The following CLSTN2 variants were observed in gnomAD, a reference collection of about 807,000 sequenced individuals.
The protein encoded by CLSTN2 is calsyntenin 2.
Under a neutral mutation model 101.2 loss-of-function variants are expected in CLSTN2, and 48 were observed. The ratio of observed to expected loss-of-function variants is 0.47; its 90% CI spans 0.38 to 0.60. The LOEUF is 0.60. Ranked by LOEUF, CLSTN2 falls within the 20% of genes least tolerant of loss-of-function variation. CLSTN2 has a pLI of 0.00. For missense variants in CLSTN2, 1,160 were observed against 1,238.2 expected (o/e 0.94, Z 0.95); for synonymous variants, 481 against 463.6 (o/e 1.04, Z -0.48).
In CLSTN2 at chr3:140,404,628, G is replaced by T. The variant is rs762594115; in HGVS notation, c.499G>T (p.Ala167Ser). 13 of 1,614,088 alleles carry T rather than the reference G, an allele frequency of 8.1e-6. No homozygotes were observed. The Admixed American group carries it at 1.0e-4, about 12-fold the overall frequency. ...CACCTTCAAAGAGCCAGCCTACAAG[G>T]CTGTTGTGACGGAGGGCAAGATCTA... ...APTFKEPAYKAVVTEGKIYDS... is the reference protein window; with the variant it reads ...APTFKEPAYKSVVTEGKIYDS... The change falls in exon 4 of 17, where the codon GCT (alanine) becomes TCT (serine). Residue 167 changes from alanine (A) to serine (S), a missense_variant. By Grantham distance (99) the Ala-to-Ser change is moderately conservative. Coordinates refer to ENST00000458420, the MANE Select transcript of CLSTN2 (RefSeq NM_022131.3).
intron 1 of CLSTN2, among the ~76,000 whole-genome samples, chr3:139,992,993 A>G (rs1560064147): frequency 6.6e-6 from 1 of 152,120 alleles, no homozygotes; most frequent in East Asian, 1.9e-4. Flanking sequence ...CCCTTTTTGC[A>G]GTTCTCTCTT....
At chr3:140,409,198 A>G (rs2088336807) in intron 4 of CLSTN2, among the ~76,000 whole-genome samples, 2 of 152,266 alleles carry the variant, frequency 1.3e-5, no homozygotes, top group Admixed American at 6.5e-5. Flanking sequence ...ACCAGCTGCC[A>G]TATAACCACA....
At chr3:140,061,397 C>T (rs1398660782) in intron 1 of CLSTN2, among the ~76,000 whole-genome samples, 2 of 152,198 alleles carry the variant, frequency 1.3e-5, no homozygotes, top group Admixed American at 6.5e-5. Flanking sequence ...AATTTGCCCA[C>T]CCCTTTCCTA....
At chr3:140,263,461 C>G (rs945207394) in intron 2 of CLSTN2, among the ~76,000 whole-genome samples, 9 of 152,176 alleles carry the variant, frequency 5.9e-5, no homozygotes, top group Non-Finnish European at 1.2e-4. Flanking sequence ...GTTGCTCACT[C>G]AGGCAGGTTG....
intron 1 of CLSTN2, among the ~76,000 whole-genome samples, chr3:140,122,536 A>G (rs569061031): frequency 2.0e-5 from 3 of 152,244 alleles, no homozygotes; most frequent in African/African-American, 4.8e-5. Flanking sequence ...GAAAATTTCC[A>G]TGAAGAAGCC....
intron 1 of CLSTN2, among the ~76,000 whole-genome samples, chr3:140,101,840 A>G (rs1451048150): frequency 1.3e-5 from 2 of 152,176 alleles, no homozygotes; most frequent in African/African-American, 2.4e-5. Context: ...GCGCTGGCCC[A>G]GAAGTGAAAC....
chr3:139,949,102 C>T (rs989410212), intron 1 of CLSTN2, among the ~76,000 whole-genome samples: 11 of 152,108 alleles, frequency 7.2e-5, no homozygotes, highest in Non-Finnish European at 1.3e-4. Flanking sequence ...ACGCTGTCAG[C>T]ATTTCTGGGA....
chr3:139,997,535 T>A (rs975359301), intron 1 of CLSTN2, among the ~76,000 whole-genome samples: 29 of 152,290 alleles, frequency 1.9e-4, no homozygotes, highest in Admixed American at 5.2e-4. Flanking sequence ...TATGTGCTAT[T>A]TTGGTTCATT....
chr3:140,439,912 G>A (rs752352181), intron 5 of CLSTN2, among the ~76,000 whole-genome samples: 4 of 152,200 alleles, frequency 2.6e-5, no homozygotes, highest in Non-Finnish European at 5.9e-5. Context: ...GTCTGGGTGT[G>A]TATCTATGTG....
rs373916708 is a variant in CLSTN2, at chr3:140,528,313, A to G, written c.1345-4011A>G. Among the ~76,000 whole-genome samples the G allele has an allele frequency of 2.0e-5, 3 of 152,042 alleles. No homozygotes were observed. In the East Asian group the frequency reaches 5.8e-4, roughly 29 times the overall value. ...TCCCATTGCCTACAGAATAAAAGCA[A>G]TCCAAGTCCTCAGTTTCAGATCTCT... On this transcript the variant is annotated intron_variant, in intron 8 of 16. Coordinates refer to ENST00000458420, the MANE Select transcript of CLSTN2 (RefSeq NM_022131.3).
chr3:139,975,368 C>T (rs1453861042), intron 1 of CLSTN2, among the ~76,000 whole-genome samples: 1 of 152,294 alleles, frequency 6.6e-6, no homozygotes, highest in East Asian at 1.9e-4. Flanking sequence ...GTACTCCCTG[C>T]AGTCAGAGGC....
intron 1 of CLSTN2, among the ~76,000 whole-genome samples, chr3:140,121,944 T>C (rs2009347482): frequency 6.6e-6 from 1 of 152,144 alleles, no homozygotes; most frequent in Admixed American, 6.5e-5. Context: ...CCAATTCTCA[T>C]TAAGTCTGAA....
At chr3:140,330,233 C>A (rs2087369578) in intron 2 of CLSTN2, among the ~76,000 whole-genome samples, 1 of 152,218 alleles carries the variant, frequency 6.6e-6, no homozygotes, top group East Asian at 1.9e-4. Flanking sequence ...CATGTCATGA[C>A]TCTTCAACCC....
At chr3:140,537,098 G>A (rs1049544108) in intron 9 of CLSTN2, among the ~76,000 whole-genome samples, 2 of 152,208 alleles carry the variant, frequency 1.3e-5, no homozygotes, top group Non-Finnish European at 2.9e-5. Context: ...ATCTCTCTGT[G>A]TGAACCTTTA....
chr3:140,134,000 C>A (rs1429420797), intron 1 of CLSTN2, among the ~76,000 whole-genome samples: 1 of 152,146 alleles, frequency 6.6e-6, no homozygotes, highest in African/African-American at 2.4e-5. Flanking sequence ...ATAGTCACAT[C>A]TGGCTGCAGT....
intron 2 of CLSTN2, among the ~76,000 whole-genome samples, chr3:140,221,214 T>G (rs1423835915): frequency 6.6e-6 from 1 of 152,176 alleles, no homozygotes; most frequent in Non-Finnish European, 1.5e-5. Flanking sequence ...TATCCAAATT[T>G]CATAAAACTC....
At chr3:140,281,608 A>G (rs537505725) in intron 2 of CLSTN2, among the ~76,000 whole-genome samples, 7 of 152,150 alleles carry the variant, frequency 4.6e-5, no homozygotes, top group Non-Finnish European at 8.8e-5. Flanking sequence ...TTCATAGTGC[A>G]CTGGCTGAGA....
chr3:140,393,567 A>C (rs1484606348), intron 2 of CLSTN2, among the ~76,000 whole-genome samples: 1 of 152,214 alleles, frequency 6.6e-6, no homozygotes, highest in Non-Finnish European at 1.5e-5. Context: ...TGACAGAGGT[A>C]ATCGGACATG....
At chr3:139,985,470 G>A (rs1936006072) in intron 1 of CLSTN2, among the ~76,000 whole-genome samples, 3 of 152,016 alleles carry the variant, frequency 2.0e-5, no homozygotes, top group African/African-American at 7.2e-5. Context: ...GGTCCTTTGG[G>A]GTCTCTAGAT....
Sources: gnomAD v4.1 joint callset for allele counts (sites outside exome capture counted in the v4.1 genomes callset) on GRCh38, gnomAD v4.1.1 for gene constraint, MANE v1.5 for transcripts, NCBI Gene and HGNC (gene_info 2026-07-23, HGNC 2026-07-21) for gene names.